The following SDCCAG8 variants were observed in gnomAD, a reference collection of about 807,000 sequenced individuals.
SDCCAG8 encodes serologically defined colon cancer antigen 8.
In SDCCAG8, 74 loss-of-function variants were observed where a neutral mutation model predicts 101.8. That is an observed-to-expected ratio of 0.73 (90% confidence interval 0.60 to 0.88). SDCCAG8 has a LOEUF of 0.88. Among genes scored for constraint, SDCCAG8 ranks in the 40% least tolerant of loss-of-function variants. SDCCAG8 has a pLI of 0.00. For missense variants in SDCCAG8, 787 were observed against 822.6 expected (o/e 0.96, Z 0.53); for synonymous variants, 281 against 292.9 (o/e 0.96, Z 0.41).
intron 4 of SDCCAG8, among the ~76,000 whole-genome samples, chr1:243,275,426 A>G (rs2149269744): frequency 6.6e-6 from 1 of 152,152 alleles, no homozygotes; most frequent in Non-Finnish European, 1.5e-5. Context: ...TATTGTTGAC[A>G]TTTTAAGATG....
chr1:243,318,744 A>G (rs922510757), intron 9 of SDCCAG8, among the ~76,000 whole-genome samples: 3 of 152,118 alleles, frequency 2.0e-5, no homozygotes, highest in Non-Finnish European at 4.4e-5. Flanking sequence ...CAAAACCTTC[A>G]GTGAAGGCCC....
chr1:243,364,155 G>A (rs1319142928), intron 12 of SDCCAG8, among the ~76,000 whole-genome samples: 1 of 151,792 alleles, frequency 6.6e-6, no homozygotes, highest in African/African-American at 2.4e-5. Context: ...ACCTAGTTTT[G>A]TTGTTAAAAT....
intron 16 of SDCCAG8, among the ~76,000 whole-genome samples, chr1:243,475,401 A>G (rs531920222): frequency 6.6e-6 from 1 of 152,254 alleles, no homozygotes; most frequent in Non-Finnish European, 1.5e-5. Context: ...GTGAGGGGCC[A>G]CTGTGTACTG....
At chr1:243,475,861 C>T in intron 16 of SDCCAG8, 1 of 809,436 alleles carries the variant, frequency 1.2e-6, no homozygotes, top group Non-Finnish European at 1.5e-6. Context: ...TCTCTTGCCA[C>T]TCCTCAAAAA....
chr1:243,352,431 T>G (rs2076131353), intron 12 of SDCCAG8, among the ~76,000 whole-genome samples: 1 of 152,198 alleles, frequency 6.6e-6, no homozygotes, highest in South Asian at 2.1e-4. Context: ...GCATGCTTGT[T>G]TTGACTGTAA....
intron 10 of SDCCAG8, among the ~76,000 whole-genome samples, chr1:243,331,598 T>C (rs2074597999): frequency 6.6e-6 from 1 of 152,230 alleles, no homozygotes. Context: ...CCTTGTCTTC[T>C]TATCCATTTT....
intron 5 of SDCCAG8, among the ~76,000 whole-genome samples, chr1:243,290,253 A>C (rs1246864922): frequency 6.6e-6 from 1 of 151,366 alleles, no homozygotes; most frequent in Non-Finnish European, 1.5e-5. Context: ...GTTTTGAATG[A>C]TCTTCAAGGA....
At chr1:243,488,891 G>T in intron 16 of SDCCAG8, 123 bp from the exon 17 acceptor site, 6 of 1,404,890 alleles carry the variant, frequency 4.3e-6, no homozygotes, top group South Asian at 3.5e-5. Flanking sequence ...GGCACCTCAG[G>T]GTCACCCTAG....
At chr1:243,307,476 G>T (rs2072266462) in intron 7 of SDCCAG8, 3 of 983,622 alleles carry the variant, frequency 3.0e-6, no homozygotes, top group Non-Finnish European at 3.6e-6. Context: ...AAGAAAAATG[G>T]GCAGTAATAA....
chr1:243,417,481 T>G (rs1340906011), intron 14 of SDCCAG8, among the ~76,000 whole-genome samples: 1 of 152,138 alleles, frequency 6.6e-6, no homozygotes, highest in Non-Finnish European at 1.5e-5. Flanking sequence ...ATTAGAGAAG[T>G]GTATGCAAGA....
chr1:243,422,727 C>T (rs528228479), intron 15 of SDCCAG8, among the ~76,000 whole-genome samples: 1 of 152,054 alleles, frequency 6.6e-6, no homozygotes, highest in Non-Finnish European at 1.5e-5. Flanking sequence ...AAAAGTCAAA[C>T]TAGAACCTAA....
chr1:243,348,271 C>T (rs1440400447), intron 12 of SDCCAG8, among the ~76,000 whole-genome samples: 1 of 148,714 alleles, frequency 6.7e-6, no homozygotes, highest in Non-Finnish European at 1.5e-5. Flanking sequence ...AGGATGGTCT[C>T]GATCTCCTGA....
intron 16 of SDCCAG8, among the ~76,000 whole-genome samples, chr1:243,430,566 G>C (rs1337604304): frequency 6.6e-6 from 1 of 151,990 alleles, no homozygotes; most frequent in African/African-American, 2.4e-5. Flanking sequence ...TGCCTCCCGA[G>C]TAGCTGGGAC....
intron 9 of SDCCAG8, 47 bp downstream of exon 9, chr1:243,316,940 T>G: frequency 6.4e-7 from 1 of 1,574,186 alleles, no homozygotes; most frequent in Non-Finnish European, 8.7e-7. Context: ...TTTTTTTTTC[T>G]TTTTTCTTCT....
At position 243,489,327 on chromosome 1, in the gene SDCCAG8, G is replaced by A. The variant is rs570768393; in HGVS notation, c.2112+187G>A. ...AGAAGCGGAGCCATGGGCCCGTCCT[G>A]GTGAGGGAGTTAAAGTCCGTGCAGG... On this transcript the variant is annotated intron_variant, in intron 17 of 17. Transcript: ENST00000366541. 2.6e-5 allele frequency among the ~76,000 whole-genome samples: 4 copies of A among 152,360 alleles called. No individual in the cohort carries two copies. The East Asian group carries it at 7.7e-4, about 30-fold the overall frequency.
At chr1:243,351,202 G>A (rs762663050) in intron 12 of SDCCAG8, among the ~76,000 whole-genome samples, 1 of 152,112 alleles carries the variant, frequency 6.6e-6, no homozygotes, top group Non-Finnish European at 1.5e-5. Flanking sequence ...GTAATCACTC[G>A]GTCCTGGTGA....
chr1:243,468,810 C>T (rs1160524219), intron 16 of SDCCAG8, among the ~76,000 whole-genome samples: 4 of 152,224 alleles, frequency 2.6e-5, no homozygotes, highest in Non-Finnish European at 4.4e-5. Flanking sequence ...ATCACAATTA[C>T]CTCATTCATT....
chr1:243,432,686 T>A (rs2081873960), intron 16 of SDCCAG8, among the ~76,000 whole-genome samples: 1 of 152,222 alleles, frequency 6.6e-6, no homozygotes, highest in Admixed American at 6.5e-5. Flanking sequence ...ATCTATGTTT[T>A]AGAGTATCTT....
At chr1:243,261,627 T>C (rs2067198915) in intron 1 of SDCCAG8, among the ~76,000 whole-genome samples, 3 of 152,222 alleles carry the variant, frequency 2.0e-5, no homozygotes, top group Admixed American at 2.0e-4. Flanking sequence ...AGTGATATCA[T>C]CTGGCTGTCT....
Sources: gnomAD v4.1 joint callset for allele counts (sites outside exome capture counted in the v4.1 genomes callset) on GRCh38, gnomAD v4.1.1 for gene constraint, MANE v1.5 for transcripts, NCBI Gene and HGNC (gene_info 2026-07-23, HGNC 2026-07-21) for gene names.